The following CACNB4 variants were observed in gnomAD, a reference collection of about 807,000 sequenced individuals.
The protein encoded by CACNB4 is calcium voltage-gated channel auxiliary subunit beta 4, also known as voltage-dependent L-type calcium channel subunit beta-4.
A neutral mutation model predicts 71.2 loss-of-function variants in CACNB4; 32 were observed. The observed-to-expected ratio is 0.45, with a 90% confidence interval of 0.34 to 0.60. CACNB4 has a LOEUF of 0.60. CACNB4 is among the 20% of genes least tolerant of loss of function. CACNB4 has a pLI of 0.01. For missense variants in CACNB4, 464 were observed against 647.9 expected, an observed-to-expected ratio of 0.72 and a Z score of 3.08; for synonymous variants, 231 against 236.9, an observed-to-expected ratio of 0.97 and a Z score of 0.23.
At chr2:152,022,830 G>A (rs757155410) in intron 2 of CACNB4, among the ~76,000 whole-genome samples, 2 of 152,134 alleles carry the variant, frequency 1.3e-5, no homozygotes, top group South Asian at 2.1e-4. Flanking sequence ...TCATGTACAG[G>A]ACTCAAAACT....
rs35506114 is a variant in CACNB4 at position 151,884,634 on chromosome 2, CAAAAAAAAAAAAA to C, written c.148-1277_148-1265del. On this transcript the variant is annotated intron_variant, in intron 2 of 13. Transcript: ENST00000539935. ...TGGGCGACACAGCGAGACTCCGTCT[CAAAAAAAAAAAAA>C]AAAAAAAAAAAAGTTCTGAAATCCA... Among the ~76,000 whole-genome samples, 6 of 61,512 alleles carry C rather than the reference CAAAAAAAAAAAAA, an allele frequency of 9.8e-5. No homozygotes were observed. The South Asian group carries it at 4.3e-3, about 45-fold the overall frequency. The allele number at this position is 61,512 out of a possible 152,430, so 40.4% of individuals were successfully genotyped here.
intron 12 of CACNB4, among the ~76,000 whole-genome samples, chr2:151,845,755 G>A (rs2099837407): frequency 6.6e-6 from 1 of 152,166 alleles, no homozygotes; most frequent in Admixed American, 6.5e-5. Flanking sequence ...CATGGCCACA[G>A]GGAACACCTT....
intron 2 of CACNB4, among the ~76,000 whole-genome samples, chr2:151,985,946 GT>G (rs1681343443): frequency 6.6e-6 from 1 of 152,098 alleles, no homozygotes; most frequent in Non-Finnish European, 1.5e-5. Context: ...CTCAGTAAAG[GT>G]TCTAGTATCT....
intron 2 of CACNB4, among the ~76,000 whole-genome samples, chr2:152,029,539 A>AAAGAG (rs1684167957): frequency 6.6e-6 from 1 of 151,420 alleles, no homozygotes. Flanking sequence ...AAAGAAAAGA[A>AAAGAG]AGAGCCCAGA....
chr2:152,029,577 C>T (rs990591137), intron 2 of CACNB4, among the ~76,000 whole-genome samples: 4 of 151,282 alleles, frequency 2.6e-5, no homozygotes, highest in African/African-American at 9.7e-5. Flanking sequence ...CATGAAGACA[C>T]AGCAGGAAGA....
chr2:151,950,929 A>G (rs1431291309), intron 2 of CACNB4, among the ~76,000 whole-genome samples: 3 of 152,050 alleles, frequency 2.0e-5, no homozygotes, highest in African/African-American at 2.4e-5. Context: ...ATGCCACTGA[A>G]TTGTTCATTT....
intron 12 of CACNB4, among the ~76,000 whole-genome samples, chr2:151,844,531 C>T (rs569323649): frequency 6.6e-6 from 1 of 152,320 alleles, no homozygotes; most frequent in Admixed American, 6.5e-5. Flanking sequence ...TACAATAAAT[C>T]CCCTTTTCCA....
chr2:151,861,846 A>AAAAAAAAAAC (rs2099841760), intron 9 of CACNB4: 2 of 151,586 alleles, frequency 1.3e-5, no homozygotes, highest in African/African-American at 2.4e-5. Flanking sequence ...CTGTCTCAAA[A>AAAAAAAAAAC]AAAAAAAAAA....
intron 2 of CACNB4, among the ~76,000 whole-genome samples, chr2:151,908,175 C>T (rs1281841366): frequency 1.3e-5 from 2 of 152,112 alleles, no homozygotes; most frequent in Non-Finnish European, 2.9e-5. Context: ...CTGATTGCAG[C>T]CAAAGAACCT....
At chr2:152,086,549 C>T (rs1687671427) in intron 2 of CACNB4, among the ~76,000 whole-genome samples, 1 of 152,182 alleles carries the variant, frequency 6.6e-6, no homozygotes, top group Admixed American at 6.5e-5. Flanking sequence ...AAGCACTCCG[C>T]TTTCTCCTTA....
intron 13 of CACNB4, among the ~76,000 whole-genome samples, chr2:151,841,286 G>A (rs1055419251): frequency 7.9e-5 from 12 of 152,168 alleles, no homozygotes; most frequent in Non-Finnish European, 1.5e-4. Context: ...AAGAAGTAAT[G>A]GAGGGGCCAG....
chr2:152,061,228 C>T (rs1212435066), intron 2 of CACNB4, among the ~76,000 whole-genome samples: 2 of 152,064 alleles, frequency 1.3e-5, no homozygotes, highest in Admixed American at 1.3e-4. Flanking sequence ...AGAAGGATTG[C>T]TTGAGCCCAG....
chr2:151,850,064 G>A (rs1365875100), intron 12 of CACNB4: 2 of 151,420 alleles, frequency 1.3e-5, no homozygotes, highest in African/African-American at 2.4e-5. Flanking sequence ...AAAGTTCACC[G>A]ATCTCTCTCC....
At chr2:152,075,542 G>A (rs1686963113) in intron 2 of CACNB4, among the ~76,000 whole-genome samples, 1 of 152,172 alleles carries the variant, frequency 6.6e-6, no homozygotes. Flanking sequence ...ATTCCAGGTG[G>A]AGACCAGCCA....
chr2:151,928,656 ACTCATG>A (rs2099860863), intron 2 of CACNB4, among the ~76,000 whole-genome samples: 1 of 152,154 alleles, frequency 6.6e-6, no homozygotes, highest in Non-Finnish European at 1.5e-5. Flanking sequence ...GGGTGCAGTG[ACTCATG>A]CTTGTAATTC....
intron 6 of CACNB4, 126 bp from the exon 7 acceptor site, chr2:151,870,987 C>A: frequency 1.5e-6 from 1 of 681,018 alleles, no homozygotes; most frequent in South Asian, 2.0e-5. Context: ...TCCTATCGCC[C>A]ACTTTGGAGA....
At chr2:152,085,029 G>C (rs1243104943) in intron 2 of CACNB4, among the ~76,000 whole-genome samples, 1 of 152,136 alleles carries the variant, frequency 6.6e-6, no homozygotes, top group African/African-American at 2.4e-5. Context: ...TGACAGAGAA[G>C]GAGACCTAGT....
intron 9 of CACNB4, 48 bp downstream of exon 9, chr2:151,869,127 CAA>C (rs926070952): frequency 1.9e-6 from 2 of 1,048,954 alleles, no homozygotes; most frequent in African/African-American, 3.2e-5. Flanking sequence ...ATTTATCACA[CAA>C]GTTTGGTTAA....
At chr2:152,004,974 C>A (rs1682643837) in intron 2 of CACNB4, among the ~76,000 whole-genome samples, 1 of 152,100 alleles carries the variant, frequency 6.6e-6, no homozygotes, top group South Asian at 2.1e-4. Context: ...CAATGAGACA[C>A]CATCTCACAC....
Sources: allele counts gnomAD v4.1 joint callset (sites outside exome capture counted in the v4.1 genomes callset), GRCh38; gene constraint gnomAD v4.1.1; transcripts MANE v1.5; gene names NCBI Gene and HGNC (gene_info 2026-07-23, HGNC 2026-07-21).